The following GLIS3 variants were observed in gnomAD, a reference collection of about 807,000 sequenced individuals.
The protein encoded by GLIS3 is zinc finger protein GLIS3.
GLIS3 carries 53 observed loss-of-function variants against 78.6 expected under a neutral mutation model. The observed-to-expected ratio is 0.67, with a 90% CI of 0.54 to 0.85. The LOEUF (loss-of-function observed/expected upper bound fraction) is 0.85. Among genes scored for constraint, GLIS3 ranks in the 40% least tolerant of loss-of-function variants. GLIS3 has a pLI of 0.00. For missense variants in GLIS3, 1,703 were observed against 1,231.1 expected (o/e 1.38, Z -5.74); for synonymous variants, 684 against 509.9 (o/e 1.34, Z -4.60).
the GLIS3 span, among the ~76,000 whole-genome samples, chr9:4,375,422 C>T: frequency 6.6e-6 from 1 of 152,076 alleles, no homozygotes; most frequent in Non-Finnish European, 1.5e-5. Context: ...AGGATGAAAA[C>T]AATTTGCGAC....
the GLIS3 span, among the ~76,000 whole-genome samples, chr9:4,383,107 G>C: frequency 6.6e-6 from 1 of 152,202 alleles, no homozygotes. Context: ...GCCATGACCT[G>C]AGGCTGCCAG....
intron 2 of GLIS3, among the ~76,000 whole-genome samples, chr9:4,236,884 C>G (rs1394184824): frequency 6.6e-6 from 1 of 152,176 alleles, no homozygotes; most frequent in Admixed American, 6.5e-5. Context: ...AGATGCCTTT[C>G]TTACTTTTTT....
At chr9:4,390,584 G>A in the GLIS3 span, among the ~76,000 whole-genome samples, 11 of 152,252 alleles carry the variant, frequency 7.2e-5, no homozygotes, top group Middle Eastern at 3.4e-3. Flanking sequence ...TATACCCATG[G>A]GAGTGCCCAG....
At chr9:4,430,051 A>ACAAT in the GLIS3 span, among the ~76,000 whole-genome samples, 18 of 151,940 alleles carry the variant, frequency 1.2e-4, no homozygotes, top group Non-Finnish European at 1.9e-4. Context: ...AAACAAACAA[A>ACAAT]CAAAAACTTT....
rs1273135638 is a variant in GLIS3, at chr9:4,118,404, G to A, written c.1074C>T (p.Cys358=). 1.2e-6 allele frequency: 2 copies of A among 1,606,332 alleles called. No homozygotes were observed. The highest frequency in any genetic ancestry group is 1.7e-6 in the Non-Finnish European group (2 of 1,179,270). The stretch of plus-strand genomic sequence containing the variant: ...CGGGCACCGGGCGCGGCTGGGGAAT[G>A]CAGCTGCCGCGCACGCCCAGGAAAT... ...YGHFLGVRGS[C]IPQPRPVPGS... is the part of the protein sequence containing the mutation. Residue 358 remains cysteine (C), a synonymous_variant, in exon 4 of 11, where the codon TGC becomes TGT. Transcript: ENST00000381971. The surrounding 1 kb of genome is among the most constrained non-coding windows in gnomAD (Gnocchi z 4.7).
chr9:4,430,110 C>A, the GLIS3 span, among the ~76,000 whole-genome samples: 1 of 152,146 alleles, frequency 6.6e-6, no homozygotes, highest in Non-Finnish European at 1.5e-5. Context: ...GATCCAGGAA[C>A]TCTGATGCCT....
intron 2 of GLIS3, among the ~76,000 whole-genome samples, chr9:4,331,485 C>G (rs10117349): frequency 0.95 from 143,971 of 152,202 alleles, 68,623 homozygotes; most frequent in East Asian, 1. Flanking sequence ...TACCATCACT[C>G]AACTTCCCTT....
At chr9:4,475,125 C>T in the GLIS3 span, among the ~76,000 whole-genome samples, 1 of 151,410 alleles carries the variant, frequency 6.6e-6, no homozygotes, top group Non-Finnish European at 1.5e-5. Flanking sequence ...TCCTGAGTAG[C>T]TGGGATTACA....
At chr9:3,922,981 C>G (rs533149018) in intron 6 of GLIS3, among the ~76,000 whole-genome samples, 1 of 152,122 alleles carries the variant, frequency 6.6e-6, no homozygotes, top group Admixed American at 6.6e-5. Context: ...TTTTAGATAC[C>G]ATTAGTGGAA....
chr9:3,996,328 A>G (rs942748353), intron 4 of GLIS3, among the ~76,000 whole-genome samples: 1 of 152,220 alleles, frequency 6.6e-6, no homozygotes, highest in African/African-American at 2.4e-5. Context: ...GAGAAAACAG[A>G]AAAATATGGG....
At chr9:4,207,819 G>A (rs530556630) in intron 2 of GLIS3, among the ~76,000 whole-genome samples, 4 of 152,208 alleles carry the variant, frequency 2.6e-5, no homozygotes, top group East Asian at 1.9e-4. Flanking sequence ...CCTCCAAACA[G>A]GTATGAGGCA....
chr9:3,911,385 C>A (rs115003044), intron 6 of GLIS3, among the ~76,000 whole-genome samples: 1 of 152,198 alleles, frequency 6.6e-6, no homozygotes, highest in Non-Finnish European at 1.5e-5. Context: ...TTGAGTGGTA[C>A]AGAACCTCTT....
chr9:3,918,569 C>T (rs1824669513), intron 6 of GLIS3, among the ~76,000 whole-genome samples: 1 of 152,124 alleles, frequency 6.6e-6, no homozygotes, highest in South Asian at 2.1e-4. Flanking sequence ...CTGGCTATCA[C>T]TATTACTATA....
At chr9:3,954,146 T>C (rs188549049) in intron 4 of GLIS3, among the ~76,000 whole-genome samples, 1 of 152,342 alleles carries the variant, frequency 6.6e-6, no homozygotes, top group Non-Finnish European at 1.5e-5. Flanking sequence ...CAATTTACTT[T>C]TATAAATATT....
At chr9:4,363,798 T>C in the GLIS3 span, among the ~76,000 whole-genome samples, 4 of 152,182 alleles carry the variant, frequency 2.6e-5, no homozygotes, top group African/African-American at 7.2e-5. Flanking sequence ...GCAACGATCA[T>C]TGATCAACCC....
chr9:3,856,693 T>C (rs996261201), intron 8 of GLIS3, among the ~76,000 whole-genome samples: 3 of 152,320 alleles, frequency 2.0e-5, no homozygotes, highest in South Asian at 4.1e-4. Context: ...CTTTGAACAA[T>C]GCATTTGCTT....
chr9:3,958,614 C>T (rs572813095), intron 4 of GLIS3, among the ~76,000 whole-genome samples: 4 of 152,298 alleles, frequency 2.6e-5, no homozygotes, highest in East Asian at 1.9e-4. Context: ...CTGGGCTGGA[C>T]GCTGTGTAGG....
At chr9:4,391,575 G>T in the GLIS3 span, among the ~76,000 whole-genome samples, 1 of 151,894 alleles carries the variant, frequency 6.6e-6, no homozygotes, top group African/African-American at 2.4e-5. Flanking sequence ...GTGTGTGTGT[G>T]TGTTGGGCTC....
At chr9:3,829,799 C>T (rs1427656549) in intron 9 of GLIS3, among the ~76,000 whole-genome samples, 1 of 152,168 alleles carries the variant, frequency 6.6e-6, no homozygotes, top group Non-Finnish European at 1.5e-5. Context: ...AAGGCCTGAC[C>T]TTCAGGGGAG....
Sources: gnomAD v4.1 joint callset for allele counts (sites outside exome capture counted in the v4.1 genomes callset) on GRCh38, gnomAD v4.1.1 for gene constraint, Gnocchi (gnomAD v3.1) non-coding constraint, MANE v1.5 for transcripts, NCBI Gene and HGNC (gene_info 2026-07-23, HGNC 2026-07-21) for gene names.